ENTPD7: variants seen among roughly 807,000 people sequenced by gnomAD.
ENTPD7 encodes NTPDase 7.
ENTPD7 carries 53 observed loss-of-function variants against 77.9 expected under a neutral mutation model. The ratio of observed to expected loss-of-function variants is 0.68; its 90% confidence interval spans 0.55 to 0.85. The LOEUF is 0.85. Ranked by LOEUF, ENTPD7 falls within the 40% of genes least tolerant of loss-of-function variation. The probability of loss-of-function intolerance (pLI) is 0.00; values close to 1 mark genes in which losing one functional copy is unlikely to be tolerated. For missense variants in ENTPD7, 636 were observed against 743.7 expected, an observed-to-expected ratio of 0.86 and a Z score of 1.68; for synonymous variants, 248 against 274.9, an observed-to-expected ratio of 0.90 and a Z score of 0.97.
Position 99,685,838 on chromosome 10 carries a change from G to A in ENTPD7, c.595G>A (p.Glu199Lys), listed in dbSNP as rs1372544199. 1 of 1,613,916 alleles carries A rather than the reference G, an allele frequency of 6.2e-7. No individual in the cohort carries two copies. The highest frequency in any genetic ancestry group is 1.1e-5 in the South Asian group (1 of 91,056). The change falls in exon 6 of 13, where the codon GAG becomes AAG. Residue 199 changes from glutamate (E) to lysine (K), a missense_variant. Glu to Lys is a moderately conservative substitution (Grantham distance 56). Coordinates refer to ENST00000370489, the MANE Select transcript of ENTPD7 (RefSeq NM_020354.5). ...LADLVKDLPL[E>K]FDFLFSQSQA... ...TGACCTAGTGAAAGATTTACCACTGGAGTTTGACTTCCTCTTTTCACAGTC... is the reference window on the plus strand; with the variant it reads ...TGACCTAGTGAAAGATTTACCACTGAAGTTTGACTTCCTCTTTTCACAGTC...
chr10:99,690,703 C>T (rs140139608), intron 7 of ENTPD7, among the ~76,000 whole-genome samples: 2,104 of 151,956 alleles, frequency 0.014, 53 homozygotes, highest in African/African-American at 0.048. Context: ...GCACCATGCC[C>T]GGCTAATTTT....
chr10:99,672,133 C>T (rs1254763470), intron 3 of ENTPD7, among the ~76,000 whole-genome samples: 3 of 152,066 alleles, frequency 2.0e-5, no homozygotes, highest in African/African-American at 7.2e-5. Context: ...AGGTGCATGC[C>T]ACCGTGCCTG....
At position 99,709,378 on chromosome 10, in the gene ENTPD7, CA is replaced by C; in HGVS notation, c.*4698del. On this transcript the variant is annotated 3_prime_UTR_variant, in exon 13 of 13. Transcript: ENST00000370489. ...ATTATGGTAGAAATAGCAGATGTTT[CA>C]AATTCTCCCATATTAGTCTCTTAGG... 1 of 985,390 alleles carries C rather than the reference CA, an allele frequency of 1.0e-6. No individual in the cohort carries two copies. The highest frequency in any genetic ancestry group is 1.2e-6 in the Non-Finnish European group (1 of 829,916). The allele number at this position is 985,390 out of a possible 1,614,324, so 61.0% of individuals were successfully genotyped here.
At position 99,707,133 on chromosome 10, in the gene ENTPD7, A is replaced by G. The variant is rs181359120; in HGVS notation, c.*2450A>G. ...GGATACCTACATTTATCACTTTTTC[A>G]ATATATATGTATTTCTTATTCTTAT... On this transcript the variant is annotated 3_prime_UTR_variant, in exon 13 of 13. Coordinates refer to ENST00000370489, the MANE Select transcript of ENTPD7 (RefSeq NM_020354.5). Among the ~76,000 whole-genome samples, 1 of 152,174 alleles carries G rather than the reference A, an allele frequency of 6.6e-6. No individual in the cohort carries two copies. Among genetic ancestry groups the G allele is most frequent in the Admixed American group, 6.5e-5 (1 of 15,296 alleles).
chr10:99,696,180 G>T, intron 9 of ENTPD7, 58 bp downstream of exon 9: 1 of 1,578,830 alleles, frequency 6.3e-7, no homozygotes. Context: ...CAGATATTAG[G>T]GAGAAATACT....
rs1414895820 is a variant in ENTPD7 at position 99,698,515 on chromosome 10, G to A, written c.1011-19G>A. On this transcript the variant is annotated intron_variant, in intron 9 of 12. Transcript: ENST00000370489. ...GCATGACGTGTTTGTTTGTTTGTTT[G>A]TTTTTGTCATTGTGGCAGATTGCTT... 5 of 1,608,220 alleles carry A rather than the reference G, an allele frequency of 3.1e-6. No individual in the cohort carries two copies. In the Admixed American group the frequency reaches 8.4e-5, roughly 27 times the overall value.
chr10:99,687,268 T>C (rs1464280463), intron 6 of ENTPD7, among the ~76,000 whole-genome samples: 1 of 100,900 alleles, frequency 9.9e-6, no homozygotes, highest in Non-Finnish European at 2.0e-5. Flanking sequence ...TCTTTTTTTT[T>C]TTTTTTTTTT....
At chr10:99,686,919 T>C (rs2035818835) in intron 6 of ENTPD7, among the ~76,000 whole-genome samples, 1 of 145,390 alleles carries the variant, frequency 6.9e-6, no homozygotes, top group South Asian at 2.2e-4. Flanking sequence ...TGTGAATCTT[T>C]TTTTTTTTTT....
intron 2 of ENTPD7, 109 bp downstream of exon 2, chr10:99,660,073 G>C: frequency 6.5e-7 from 1 of 1,528,890 alleles, no homozygotes; most frequent in Non-Finnish European, 9.0e-7. Context: ...AGCTGCACTT[G>C]GACTTTGTAT....
rs771425540 is a variant in ENTPD7, at chr10:99,705,078, G to A, written c.*395G>A. 4 of 211,774 alleles carry A rather than the reference G, an allele frequency of 1.9e-5. No individual in the cohort carries two copies. The Admixed American group carries it at 2.1e-4, about 11-fold the overall frequency. 13.1% of individuals were successfully genotyped at this position (211,774 alleles called of 1,614,324 possible). ...ATTTGTAGCATCTGATACAAAGCCA[G>A]AGACATTCTAGCAAGTGCAGCAGCC... On this transcript the variant is annotated 3_prime_UTR_variant, in exon 13 of 13. Transcript: ENST00000370489.
At chr10:99,700,370 A>ATTTTATTTTATTCCT (rs1157319052) in intron 10 of ENTPD7, among the ~76,000 whole-genome samples, 1 of 148,746 alleles carries the variant, frequency 6.7e-6, no homozygotes. Flanking sequence ...TTTTTCCCTG[A>ATTTTATTTTATTCCT]GCATTTATGT....
In ENTPD7 at chr10:99,710,254, T is replaced by G. The variant is rs2036339334; in HGVS notation, c.*5571T>G. 2.0e-6 allele frequency: 2 copies of G among 985,382 alleles called. No homozygotes were observed. The highest frequency in any genetic ancestry group is 9.4e-5 in the South Asian group (2 of 21,276). The allele number at this position is 985,382 out of a possible 1,614,324, so 61.0% of individuals were successfully genotyped here. ...ACGCCCCTTACTAGCTTCATAAATG[T>G]TTTTCTGCAAGCAGGGATCCCAGAC... On this transcript the variant is annotated 3_prime_UTR_variant, in exon 13 of 13. Transcript: ENST00000370489.
In ENTPD7 at chr10:99,705,624, T is replaced by C. The variant is rs909925899; in HGVS notation, c.*941T>C. ...ATGTAGTATGGGGAATGTATTTGGG[T>C]TGTTTTTAAAGAAAAGGGGAACAGA... is the stretch of plus-strand genomic sequence containing the variant. On this transcript the variant is annotated 3_prime_UTR_variant, in exon 13 of 13. Transcript: ENST00000370489. 1 of 152,196 alleles carries C rather than the reference T, an allele frequency of 6.6e-6. No homozygotes were observed. 9.4% of individuals were successfully genotyped at this position (152,196 alleles called of 1,614,324 possible). A position where few individuals can be genotyped will look rare whatever the true frequency, so the allele number is the denominator to read the frequency against.
rs769027862 is a variant in ENTPD7, at chr10:99,702,490, TTTAA to T, written c.1422-18_1422-15del. The T allele has an allele frequency of 2.2e-5, 34 of 1,511,992 alleles. No individual in the cohort carries two copies. Among genetic ancestry groups the T allele is most frequent in the Middle Eastern group, 1.7e-4 (1 of 5,772 alleles). 93.7% of individuals were successfully genotyped at this position (1,511,992 alleles called of 1,614,324 possible). A position where few individuals can be genotyped will look rare whatever the true frequency, so the allele number is the denominator to read the frequency against. ...AGAATTCTTTTCTCTTTTTTTAAAA[TTTAA>T]TTATTTTTGTCACACAGATATCAGT... On this transcript the variant is annotated intron_variant, in intron 11 of 12. Transcript: ENST00000370489.
intron 6 of ENTPD7, among the ~76,000 whole-genome samples, chr10:99,688,288 C>T (rs533324946): frequency 1.3e-3 from 202 of 152,288 alleles, no homozygotes; most frequent in African/African-American, 4.3e-3. Flanking sequence ...TCCCGGTGTG[C>T]TCATTATCAT....
intron 3 of ENTPD7, among the ~76,000 whole-genome samples, chr10:99,676,253 T>G (rs1006164071): frequency 1.3e-5 from 2 of 152,048 alleles, no homozygotes; most frequent in Non-Finnish European, 2.9e-5. Context: ...TGTAATGAGT[T>G]TATTTTATTT....
chr10:99,679,690 A>G (rs779124575), intron 4 of ENTPD7, 35 bp from the exon 5 acceptor site: 43 of 1,587,184 alleles, frequency 2.7e-5, no homozygotes, highest in Non-Finnish European at 3.7e-5. Context: ...CGCTTTTTAA[A>G]GAAAGTTTTG....
At chr10:99,698,324 A>G (rs1032360194) in intron 9 of ENTPD7, among the ~76,000 whole-genome samples, 2 of 152,274 alleles carry the variant, frequency 1.3e-5, no homozygotes, top group Non-Finnish European at 2.9e-5. Flanking sequence ...AATGTCGAAC[A>G]GAATTGATCA....
In ENTPD7 at chr10:99,688,702, G is replaced by T. The variant is rs762122699; in HGVS notation, c.661G>T (p.Ala221Ser). Residue 221 changes from alanine to serine, a missense_variant, in exon 7 of 13, where the codon GCA becomes TCA. This residue lies in a region of ENTPD7 where 486 missense variants were observed against 556.5 expected (regional missense o/e 0.87). Coordinates refer to ENST00000370489, the MANE Select transcript of ENTPD7 (RefSeq NM_020354.5). The stretch of plus-strand genomic sequence containing the variant: ...TTCTGTTTCTTACTTAGGGGTTTAT[G>T]CATGGATTGGAATCAACTTTGTTTT... ...VISGKQEGVY[A>S]WIGINFVLGR... The T allele has an allele frequency of 6.2e-7, 1 of 1,613,950 alleles. No homozygotes were observed. The highest frequency in any genetic ancestry group is 1.7e-4 in the Middle Eastern group (1 of 6,058).
Sources: allele counts gnomAD v4.1 joint callset (sites outside exome capture counted in the v4.1 genomes callset), GRCh38; gene constraint gnomAD v4.1.1; regional missense constraint gnomAD v4.1.1; transcripts MANE v1.5; gene names NCBI Gene and HGNC (gene_info 2026-07-23, HGNC 2026-07-21).